The following CNTN4 variants were observed in gnomAD, a reference collection of about 807,000 sequenced individuals.
The protein encoded by CNTN4 is contactin-4.
A neutral mutation model predicts 122.5 loss-of-function variants in CNTN4; 77 were observed. The observed-to-expected ratio is 0.63, with a 90% CI of 0.52 to 0.76. CNTN4 has a LOEUF of 0.76. Among genes scored for constraint, CNTN4 ranks in the 30% least tolerant of loss-of-function variants. The probability of loss-of-function intolerance (pLI) is 0.00; values close to 1 mark genes in which losing one functional copy is unlikely to be tolerated. For synonymous variants in CNTN4, 512 were observed against 447.0 expected (o/e 1.15, Z -1.83); for missense variants, 1,256 against 1,259.1 (o/e 1.00, Z 0.04).
intron 2 of CNTN4, among the ~76,000 whole-genome samples, chr3:2,218,380 C>T (rs756143562): frequency 2.0e-5 from 3 of 152,088 alleles, no homozygotes; most frequent in Non-Finnish European, 4.4e-5. Flanking sequence ...TCTAGCTAGG[C>T]ATGGTGGCAT....
chr3:2,607,855 C>T (rs2081325575), intron 4 of CNTN4, among the ~76,000 whole-genome samples: 1 of 151,976 alleles, frequency 6.6e-6, no homozygotes, highest in South Asian at 2.1e-4. Flanking sequence ...TGATTTTTTC[C>T]ATACGATAGA....
intron 3 of CNTN4, among the ~76,000 whole-genome samples, chr3:2,410,259 C>G (rs6790587): frequency 0.014 from 2,197 of 152,290 alleles, 41 homozygotes; most frequent in African/African-American, 0.051. Context: ...CAGCATGTCT[C>G]TAACTCATCC....
At chr3:2,992,430 G>A (rs76872192) in intron 14 of CNTN4, among the ~76,000 whole-genome samples, 3,487 of 152,230 alleles carry the variant, frequency 0.023, 53 homozygotes, top group Non-Finnish European at 0.033. Context: ...ATGTGCTTTT[G>A]TGATCATTGA....
At position 2,421,162 on chromosome 3, in the gene CNTN4, A is replaced by T. The variant is rs1036966705; in HGVS notation, c.-89+81929A>T. ...TTAGCCCTCCCCCATCACCTTAATG[A>T]CCACCATTGCATAACAAGCAATGCC... On this transcript the variant is annotated intron_variant, in intron 3 of 24. Coordinates refer to ENST00000418658, the MANE Select transcript of CNTN4 (RefSeq NM_175607.3). Among the ~76,000 whole-genome samples the T allele has an allele frequency of 2.6e-5, 4 of 151,856 alleles. No homozygotes were observed. The East Asian group carries it at 7.8e-4, about 29-fold the overall frequency.
At chr3:2,287,786 AGAG>A (rs1222054079) in intron 2 of CNTN4, among the ~76,000 whole-genome samples, 21 of 150,896 alleles carry the variant, frequency 1.4e-4, no homozygotes, top group Non-Finnish European at 2.1e-4. Context: ...AAGGAGAAGA[AGAG>A]GAGGAAGGGG....
intron 3 of CNTN4, among the ~76,000 whole-genome samples, chr3:2,439,890 C>G (rs2048374434): frequency 6.6e-6 from 1 of 152,076 alleles, no homozygotes; most frequent in Non-Finnish European, 1.5e-5. Context: ...GCTCAACACT[C>G]TGACCATTTT....
chr3:3,034,265 AT>A (rs778493973), intron 16 of CNTN4, among the ~76,000 whole-genome samples: 3 of 152,216 alleles, frequency 2.0e-5, no homozygotes, highest in South Asian at 2.1e-4. Flanking sequence ...GTATCCTCAA[AT>A]AACACTGTCT....
chr3:2,788,826 A>G (rs138379379), intron 6 of CNTN4, among the ~76,000 whole-genome samples: 6 of 152,226 alleles, frequency 3.9e-5, no homozygotes, highest in Admixed American at 2.0e-4. Flanking sequence ...GCAGGAGAGG[A>G]TAACCTCTGT....
chr3:2,670,191 G>A (rs998005567), intron 4 of CNTN4, among the ~76,000 whole-genome samples: 4 of 152,152 alleles, frequency 2.6e-5, no homozygotes, highest in African/African-American at 9.7e-5. Context: ...TGACAGTGGG[G>A]TGTTGAAATC....
At chr3:2,211,510 T>C (rs1471970374) in intron 2 of CNTN4, among the ~76,000 whole-genome samples, 1 of 152,184 alleles carries the variant, frequency 6.6e-6, no homozygotes, top group African/African-American at 2.4e-5. Context: ...AATAGAAAAC[T>C]ATGTGTACGT....
chr3:2,610,390 A>G (rs34694599), intron 4 of CNTN4, among the ~76,000 whole-genome samples: 14,664 of 152,164 alleles, frequency 0.096, 944 homozygotes, highest in Non-Finnish European at 0.14. Flanking sequence ...CTGTTTTTAA[A>G]TTGCTTTTGC....
intron 2 of CNTN4, among the ~76,000 whole-genome samples, chr3:2,101,748 T>G (rs533911667): frequency 2.7e-5 from 4 of 150,654 alleles, no homozygotes; most frequent in African/African-American, 9.9e-5. Context: ...GATACACTAC[T>G]TATAAAACAC....
At chr3:2,830,307 A>T (rs1559552775) in intron 7 of CNTN4, among the ~76,000 whole-genome samples, 1 of 152,234 alleles carries the variant, frequency 6.6e-6, no homozygotes, top group Admixed American at 6.5e-5. Flanking sequence ...AAAAAAAATT[A>T]AAAAGATTAT....
chr3:2,804,071 AC>A (rs2092409095), intron 6 of CNTN4, among the ~76,000 whole-genome samples: 3 of 95,840 alleles, frequency 3.1e-5, no homozygotes, highest in Non-Finnish European at 7.0e-5. Flanking sequence ...GTCTGCACAC[AC>A]ACACACACAC....
chr3:2,806,637 G>A (rs577089213), intron 6 of CNTN4, among the ~76,000 whole-genome samples: 1 of 152,136 alleles, frequency 6.6e-6, no homozygotes, highest in East Asian at 1.9e-4. Context: ...TTTTGCTGGG[G>A]AGCTGTTTTT....
intron 3 of CNTN4, among the ~76,000 whole-genome samples, chr3:2,420,756 A>G (rs753083746): frequency 2.0e-5 from 3 of 152,052 alleles, no homozygotes; most frequent in Non-Finnish European, 4.4e-5. Context: ...GGACGCCTTC[A>G]ATCCCCTTGT....
chr3:2,598,202 T>G (rs2149715501), intron 4 of CNTN4, among the ~76,000 whole-genome samples: 1 of 152,338 alleles, frequency 6.6e-6, no homozygotes, highest in African/African-American at 2.4e-5. Context: ...TTTTAATTTC[T>G]ACTTGCTGTG....
chr3:2,181,915 G>C (rs887991790), intron 2 of CNTN4, among the ~76,000 whole-genome samples: 1 of 152,010 alleles, frequency 6.6e-6, no homozygotes, highest in African/African-American at 2.4e-5. Context: ...CCCAATTTTA[G>C]GTGGTGATCT....
chr3:3,056,254 A>T lies in CNTN4; in HGVS notation c.*34A>T. ...ATCTGAAGGACTTGCTGTTTATAAT[A>T]TAAGCAACATTTAGCTAGTTGTTTT... On this transcript the variant is annotated 3_prime_UTR_variant, in exon 25 of 25. Coordinates refer to ENST00000418658, the MANE Select transcript of CNTN4 (RefSeq NM_175607.3). 6.7e-7 allele frequency: 1 copy of T among 1,483,890 alleles called. No homozygotes were observed. The allele number at this position is 1,483,890 out of a possible 1,614,324, so 91.9% of individuals were successfully genotyped here. A position where few individuals can be genotyped will look rare whatever the true frequency, so the allele number is the denominator to read the frequency against.
Sources: allele counts gnomAD v4.1 joint callset (sites outside exome capture counted in the v4.1 genomes callset), GRCh38; gene constraint gnomAD v4.1.1; transcripts MANE v1.5; gene names NCBI Gene and HGNC (gene_info 2026-07-23, HGNC 2026-07-21).